ERG: variants seen among roughly 807,000 people sequenced by gnomAD.
ERG encodes the protein transcriptional regulator ERG.
A neutral mutation model predicts 55.3 loss-of-function variants in ERG; 9 were observed. That is an observed-to-expected ratio of 0.16 (90% CI 0.10 to 0.28). The LOEUF (loss-of-function observed/expected upper bound fraction) is 0.28. Ranked by LOEUF, ERG falls within the 10% of genes least tolerant of loss-of-function variation. The probability of loss-of-function intolerance (pLI) is 1.00; values close to 1 mark genes in which losing one functional copy is unlikely to be tolerated. For synonymous variants in ERG, 223 were observed against 237.3 expected, an observed-to-expected ratio of 0.94 and a Z score of 0.55; for missense variants, 434 against 631.6, an observed-to-expected ratio of 0.69 and a Z score of 3.35.
chr21:38,642,252 A>C (rs534600303), intron 1 of ERG, among the ~76,000 whole-genome samples: 1 of 152,256 alleles, frequency 6.6e-6, no homozygotes, highest in East Asian at 1.9e-4. Flanking sequence ...TATAAGAGAG[A>C]AATTCCACTA....
chr21:38,375,851 G>A (rs2146399286), downstream of ERG, among the ~76,000 whole-genome samples: 1 of 152,196 alleles, frequency 6.6e-6, no homozygotes, highest in East Asian at 1.9e-4. Flanking sequence ...CCACTGTCTT[G>A]CTCATTATCC....
chr21:38,513,030 C>G (rs2059525303), intron 2 of ERG, among the ~76,000 whole-genome samples: 1 of 151,828 alleles, frequency 6.6e-6, no homozygotes, highest in Non-Finnish European at 1.5e-5. Context: ...ACTCAGGAGG[C>G]TGAGGCAGGA....
In ERG at chr21:38,391,017, T is replaced by A; in HGVS notation, c.897A>T (p.Thr299=). ...QLDPYQILGP[T]SSRLANPGSG... Reference sequence around the variant, plus strand: ...CACCTGGATTTGCAAGGCGGCTACTTGTTGGTCCAAGAATCTGATAAGGAT... The same window carrying A: ...CACCTGGATTTGCAAGGCGGCTACTAGTTGGTCCAAGAATCTGATAAGGAT... The change falls in exon 9 of 10, where the codon ACA becomes ACT. Residue 299 remains threonine (T), a synonymous_variant. Transcript: ENST00000288319. The A allele has an allele frequency of 6.2e-7, 1 of 1,613,744 alleles. No homozygotes were observed. The highest frequency in any genetic ancestry group is 8.5e-7 in the Non-Finnish European group (1 of 1,179,768).
chr21:38,437,983 G>A (rs1811464453), intron 2 of ERG, among the ~76,000 whole-genome samples: 1 of 152,114 alleles, frequency 6.6e-6, no homozygotes, highest in African/African-American at 2.4e-5. Context: ...TCAAAGTCCG[G>A]CAATGGCCCC....
intron 1 of ERG, among the ~76,000 whole-genome samples, chr21:38,612,984 T>G (rs34241145): frequency 3.3e-5 from 5 of 152,116 alleles, no homozygotes; most frequent in Non-Finnish European, 7.3e-5. Flanking sequence ...TTCTAAGCAG[T>G]AGATATTTGC....
At chr21:38,505,604 G>A (rs1365990892) in intron 2 of ERG, among the ~76,000 whole-genome samples, 1 of 152,226 alleles carries the variant, frequency 6.6e-6, no homozygotes, top group African/African-American at 2.4e-5. Context: ...TACTAGAAAT[G>A]TTCTTTCTGA....
intron 1 of ERG, among the ~76,000 whole-genome samples, chr21:38,485,974 C>T (rs1388262827): frequency 6.6e-6 from 1 of 151,818 alleles, no homozygotes; most frequent in African/African-American, 2.4e-5. Flanking sequence ...CGCTCTGTAG[C>T]CCAGGCTGGA....
chr21:38,640,853 C>T (rs1395224416), intron 1 of ERG, among the ~76,000 whole-genome samples: 1 of 152,122 alleles, frequency 6.6e-6, no homozygotes, highest in Non-Finnish European at 1.5e-5. Flanking sequence ...ACAGCAGTTA[C>T]CTCTAGGAAA....
At chr21:38,526,432 T>C (rs2059630959) in intron 2 of ERG, among the ~76,000 whole-genome samples, 1 of 152,212 alleles carries the variant, frequency 6.6e-6, no homozygotes, top group South Asian at 2.1e-4. Flanking sequence ...AGCAGGACTG[T>C]AAGACTATAT....
At chr21:38,507,075 A>G (rs1357882649) in intron 2 of ERG, among the ~76,000 whole-genome samples, 2 of 152,070 alleles carry the variant, frequency 1.3e-5, no homozygotes, top group African/African-American at 4.8e-5. Context: ...AACTGCAGAT[A>G]AAAGACGCTG....
chr21:38,595,419 G>A (rs1030397139), intron 1 of ERG, among the ~76,000 whole-genome samples: 2 of 152,198 alleles, frequency 1.3e-5, no homozygotes, highest in South Asian at 2.1e-4. Context: ...AGAGAGGAGA[G>A]CAGGATGGAA....
intron 1 of ERG, among the ~76,000 whole-genome samples, chr21:38,477,029 T>C (rs1383212962): frequency 6.9e-6 from 1 of 145,372 alleles, no homozygotes; most frequent in African/African-American, 2.6e-5. Context: ...TTTTTTTTTT[T>C]TGAGACAGAG....
At chr21:38,384,577 T>C (rs1052247991) in intron 9 of ERG, among the ~76,000 whole-genome samples, 1 of 152,200 alleles carries the variant, frequency 6.6e-6, no homozygotes, top group Non-Finnish European at 1.5e-5. Context: ...CTATATATTT[T>C]TTTTTCCTAT....
intron 1 of ERG, among the ~76,000 whole-genome samples, chr21:38,638,715 G>A (rs145622074): frequency 7.9e-4 from 121 of 152,250 alleles, no homozygotes; most frequent in African/African-American, 2.6e-3. Context: ...GGAAATTTGA[G>A]GTCACTCAGA....
chr21:38,507,086 G>T (rs948691681), intron 2 of ERG, among the ~76,000 whole-genome samples: 1 of 152,092 alleles, frequency 6.6e-6, no homozygotes, highest in African/African-American at 2.4e-5. Flanking sequence ...AAAGACGCTG[G>T]CTCGACAAAA....
At chr21:38,567,995 G>A (rs751992839) in intron 2 of ERG, among the ~76,000 whole-genome samples, 2 of 152,186 alleles carry the variant, frequency 1.3e-5, no homozygotes, top group African/African-American at 2.4e-5. Context: ...GAAATATTTA[G>A]CGTTACTTCC....
At chr21:38,593,093 G>A (rs1293781929) in intron 1 of ERG, among the ~76,000 whole-genome samples, 1 of 152,192 alleles carries the variant, frequency 6.6e-6, no homozygotes, top group Admixed American at 6.5e-5. Context: ...TGCATGTAAA[G>A]CATTTGAGCT....
intron 1 of ERG, among the ~76,000 whole-genome samples, chr21:38,601,839 C>T (rs2060166331): frequency 6.6e-6 from 1 of 152,154 alleles, no homozygotes; most frequent in Non-Finnish European, 1.5e-5. Flanking sequence ...GTAGTCAAAG[C>T]TTAACCAGCA....
At chr21:38,481,994 T>C (rs1207454244) in intron 1 of ERG, among the ~76,000 whole-genome samples, 4 of 152,202 alleles carry the variant, frequency 2.6e-5, no homozygotes, top group African/African-American at 9.6e-5. Context: ...TGCTGCTCAA[T>C]AAAAATGAAA....
Sources: allele counts gnomAD v4.1 joint callset (sites outside exome capture counted in the v4.1 genomes callset), GRCh38; gene constraint gnomAD v4.1.1; transcripts MANE v1.5; gene names NCBI Gene and HGNC (gene_info 2026-07-23, HGNC 2026-07-21).